Variants in NCKAP5 observed in about 807,000 individuals in gnomAD.
The protein encoded by NCKAP5 is NCK associated protein 5, also known as nck-associated protein 5.
Under a neutral mutation model 167.0 loss-of-function variants are expected in NCKAP5, and 92 were observed. That is an observed-to-expected ratio of 0.55 (90% confidence interval 0.47 to 0.66). The LOEUF (loss-of-function observed/expected upper bound fraction) is 0.66. Among genes scored for constraint, NCKAP5 ranks in the 30% least tolerant of loss-of-function variants. NCKAP5 has a pLI of 0.00. For synonymous variants in NCKAP5, 891 were observed against 877.4 expected (o/e 1.02, Z -0.27); for missense variants, 2,378 against 2,315.0 (o/e 1.03, Z -0.56).
chr2:132,772,394 G>A (rs1037396418), intron 16 of NCKAP5, among the ~76,000 whole-genome samples: 18 of 152,216 alleles, frequency 1.2e-4, no homozygotes, highest in African/African-American at 4.3e-4. Context: ...GGTGGTTATG[G>A]CATCAAGCAG....
At chr2:133,389,840 T>G (rs1340093982) in intron 3 of NCKAP5, among the ~76,000 whole-genome samples, 1 of 152,206 alleles carries the variant, frequency 6.6e-6, no homozygotes, top group Non-Finnish European at 1.5e-5. Flanking sequence ...TTACTTGGCT[T>G]TTTCAGAGTG....
intron 3 of NCKAP5, among the ~76,000 whole-genome samples, chr2:133,432,954 T>C (rs1690250030): frequency 6.6e-6 from 1 of 152,218 alleles, no homozygotes; most frequent in African/African-American, 2.4e-5. Context: ...TCTCCATATG[T>C]TAGATTCCCA....
At chr2:133,629,005 T>G in the NCKAP5 span, among the ~76,000 whole-genome samples, 2 of 152,214 alleles carry the variant, frequency 1.3e-5, no homozygotes, top group African/African-American at 4.8e-5. Flanking sequence ...ATTAAAAACT[T>G]AAATGTAAAA....
chr2:133,039,138 C>T (rs148420603), intron 6 of NCKAP5, among the ~76,000 whole-genome samples: 69 of 152,272 alleles, frequency 4.5e-4, no homozygotes, highest in East Asian at 1.4e-3. Flanking sequence ...ATCCTATTTA[C>T]GAGGGCCAGA....
intron 4 of NCKAP5, among the ~76,000 whole-genome samples, chr2:133,273,618 T>A (rs992418433): frequency 6.6e-6 from 1 of 151,914 alleles, no homozygotes; most frequent in Non-Finnish European, 1.5e-5. Flanking sequence ...AAAGTAAATA[T>A]AGGCTGTATG....
chr2:132,710,102 C>T (rs1688707439), intron 19 of NCKAP5, among the ~76,000 whole-genome samples: 1 of 151,960 alleles, frequency 6.6e-6, no homozygotes, highest in African/African-American at 2.4e-5. Context: ...TCATTTAAGG[C>T]ATTAAAGGCA....
intron 9 of NCKAP5, among the ~76,000 whole-genome samples, chr2:132,876,459 G>GA (rs1194077112): frequency 2.0e-5 from 3 of 151,970 alleles, no homozygotes; most frequent in African/African-American, 7.3e-5. Context: ...CACTAGCAAG[G>GA]AAAAAACTTA....
At chr2:133,033,400 A>T (rs2078943504) in intron 6 of NCKAP5, among the ~76,000 whole-genome samples, 2 of 152,208 alleles carry the variant, frequency 1.3e-5, no homozygotes, top group Admixed American at 1.3e-4. Context: ...ACTACAAATA[A>T]GCCCAGACAG....
intron 11 of NCKAP5, among the ~76,000 whole-genome samples, chr2:132,842,822 A>G (rs1688388078): frequency 6.6e-6 from 1 of 152,008 alleles, no homozygotes; most frequent in Non-Finnish European, 1.5e-5. Context: ...TATAGGCGTG[A>G]GCTACCATGC....
At position 133,219,523 on chromosome 2, in the gene NCKAP5, G is replaced by A. The variant is rs377381790; in HGVS notation, c.144-5744C>T. ...AGTGGGCAAAGCCAGTGGCAGCTAA[G>A]TCCCACGACAGCAAGAGCACTCCAA... On this transcript the variant is annotated intron_variant, in intron 4 of 19. Coordinates refer to ENST00000409261, the MANE Select transcript of NCKAP5 (RefSeq NM_207363.3). Among the ~76,000 whole-genome samples, 25 of 152,294 alleles carry A rather than the reference G, an allele frequency of 1.6e-4. 1 individual carries two copies. In the South Asian group the frequency reaches 5.0e-3, roughly 30 times the overall value.
At chr2:133,110,364 A>G (rs1471296094) in intron 6 of NCKAP5, among the ~76,000 whole-genome samples, 2 of 152,302 alleles carry the variant, frequency 1.3e-5, no homozygotes, top group African/African-American at 2.4e-5. Flanking sequence ...ACTAATCAGA[A>G]AGGACACTGG....
chr2:132,978,609 C>A (rs1235957696), intron 7 of NCKAP5, among the ~76,000 whole-genome samples: 2 of 152,136 alleles, frequency 1.3e-5, no homozygotes, highest in Non-Finnish European at 2.9e-5. Flanking sequence ...TCCTGATCAC[C>A]CCACATGGTG....
chr2:132,943,906 T>C (rs1428573482), intron 8 of NCKAP5, among the ~76,000 whole-genome samples: 1 of 152,178 alleles, frequency 6.6e-6, no homozygotes, highest in African/African-American at 2.4e-5. Flanking sequence ...CTCCTGGGGC[T>C]GGGTGAAGTG....
chr2:132,811,023 T>C (rs1265115195), intron 11 of NCKAP5, among the ~76,000 whole-genome samples: 1 of 152,124 alleles, frequency 6.6e-6, no homozygotes, highest in Non-Finnish European at 1.5e-5. Flanking sequence ...AAGCCAAAAG[T>C]GATTGTTGTC....
At chr2:132,899,391 TAGCCATA>T (rs1200053924) in intron 8 of NCKAP5, among the ~76,000 whole-genome samples, 1 of 152,250 alleles carries the variant, frequency 6.6e-6, no homozygotes, top group Non-Finnish European at 1.5e-5. Context: ...TTCTCCATAA[TAGCCATA>T]AGGCTGTTTT....
intron 3 of NCKAP5, among the ~76,000 whole-genome samples, chr2:133,397,052 A>G (rs1384329272): frequency 6.6e-6 from 1 of 152,246 alleles, no homozygotes; most frequent in African/African-American, 2.4e-5. Context: ...AACTGGAATG[A>G]CCCATATCAG....
At chr2:133,324,188 G>T (rs1337608703) in intron 3 of NCKAP5, among the ~76,000 whole-genome samples, 1 of 152,174 alleles carries the variant, frequency 6.6e-6, no homozygotes, top group Non-Finnish European at 1.5e-5. Flanking sequence ...ACTGGATGAG[G>T]CGTAAACCAG....
At chr2:133,534,362 T>C (rs1293379123) in intron 2 of NCKAP5, among the ~76,000 whole-genome samples, 1 of 152,216 alleles carries the variant, frequency 6.6e-6, no homozygotes, top group African/African-American at 2.4e-5. Flanking sequence ...ATAATATTGA[T>C]CCATTTAAAG....
chr2:133,104,819 G>A (rs887237224), intron 6 of NCKAP5, among the ~76,000 whole-genome samples: 7 of 152,066 alleles, frequency 4.6e-5, no homozygotes, highest in Admixed American at 3.3e-4. Context: ...CAATGATTTC[G>A]ACACATTCAA....
Sources: allele counts gnomAD v4.1 joint callset (sites outside exome capture counted in the v4.1 genomes callset), GRCh38; gene constraint gnomAD v4.1.1; transcripts MANE v1.5; gene names NCBI Gene and HGNC (gene_info 2026-07-23, HGNC 2026-07-21).